Variants in EFCAB5 observed in about 807,000 individuals in gnomAD.
The protein encoded by EFCAB5 is EF-hand calcium-binding domain-containing protein 5.
A neutral mutation model predicts 167.9 loss-of-function variants in EFCAB5; 131 were observed. The observed-to-expected ratio is 0.78, with a 90% CI of 0.68 to 0.90. The LOEUF (loss-of-function observed/expected upper bound fraction) is 0.90. EFCAB5 is among the 40% of genes least tolerant of loss of function. The pLI is 0.00. For synonymous variants in EFCAB5, 574 were observed against 602.8 expected (o/e 0.95, Z 0.70); for missense variants, 1,663 against 1,745.2 (o/e 0.95, Z 0.84).
At chr17:29,966,107 A>G (rs1264013625) in intron 3 of EFCAB5, among the ~76,000 whole-genome samples, 1 of 152,166 alleles carries the variant, frequency 6.6e-6, no homozygotes, top group African/African-American at 2.4e-5. Flanking sequence ...GTTAAAGTGT[A>G]CAATTCAGAG....
At chr17:30,038,544 T>G (rs2069685299) in intron 8 of EFCAB5, among the ~76,000 whole-genome samples, 1 of 152,230 alleles carries the variant, frequency 6.6e-6, no homozygotes. Context: ...ATATCCGTTC[T>G]GCAGCCCATG....
chr17:30,102,418 T>C (rs930921717), intron 22 of EFCAB5, among the ~76,000 whole-genome samples: 1 of 151,864 alleles, frequency 6.6e-6, no homozygotes, highest in African/African-American at 2.4e-5. Context: ...TCACCCAGGC[T>C]GGAGTGCAGT....
chr17:30,106,691 A>G (rs1474016164), intron 22 of EFCAB5, among the ~76,000 whole-genome samples: 3 of 152,154 alleles, frequency 2.0e-5, no homozygotes, highest in Non-Finnish European at 2.9e-5. Flanking sequence ...TCCTGACCTC[A>G]AGTGATCCAC....
intron 22 of EFCAB5, among the ~76,000 whole-genome samples, chr17:30,097,058 ATATTT>A (rs1456809510): frequency 0.017 from 1,046 of 63,366 alleles, 10 homozygotes; most frequent in Middle Eastern, 0.04. Flanking sequence ...ACATATATAT[ATATTT>A]TTTTTTTTTT....
chr17:30,050,592 G>T (rs2070063821), intron 8 of EFCAB5, among the ~76,000 whole-genome samples: 1 of 152,062 alleles, frequency 6.6e-6, no homozygotes, highest in African/African-American at 2.4e-5. Flanking sequence ...ACCATGCCTG[G>T]CTAATTTTTT....
At chr17:30,000,016 TG>T in intron 7 of EFCAB5, 40 bp downstream of exon 7, 1 of 1,455,098 alleles carries the variant, frequency 6.9e-7, no homozygotes, top group East Asian at 2.5e-5. Flanking sequence ...TGAATTATTT[TG>T]TCAGTTTCAA....
chr17:30,069,698 T>C, intron 14 of EFCAB5: 2 of 1,238,580 alleles, frequency 1.6e-6, no homozygotes, highest in South Asian at 1.3e-5. Context: ...TACTCTCATG[T>C]ACCCGCCGTA....
rs370658956 is a variant in EFCAB5, at chr17:30,030,332, G to GGTTT, written c.1045-3877_1045-3874dup. Among the ~76,000 whole-genome samples the GGTTT allele has an allele frequency of 2.9e-3, 436 of 152,120 alleles. 2 individuals carry two copies. Among genetic ancestry groups the GGTTT allele is most frequent in the African/African-American group, 8.9e-3 (370 of 41,516 alleles). The stretch of plus-strand genomic sequence containing the variant: ...AATCCAGAAGTGTCTCTCAGAAAAA[G>GGTTT]GTTTGTTTGTTTGTTTGTTTGTTTT... On this transcript the variant is annotated intron_variant, in intron 7 of 22. Transcript: ENST00000394835.
chr17:29,951,234 G>A (rs574198882), intron 3 of EFCAB5, among the ~76,000 whole-genome samples: 2 of 152,108 alleles, frequency 1.3e-5, no homozygotes, highest in East Asian at 3.8e-4. Flanking sequence ...GCTTTTCAAG[G>A]GTTTCTTCAC....
chr17:30,034,467 G>A (rs1197406248), intron 8 of EFCAB5, 82 bp downstream of exon 8: 8 of 1,493,182 alleles, frequency 5.4e-6, no homozygotes. Flanking sequence ...AGGAGGCTGA[G>A]GCTGGTGGAT....
At chr17:30,031,861 A>C (rs543476563) in intron 7 of EFCAB5, 4 of 152,018 alleles carry the variant, frequency 2.6e-5, no homozygotes, top group Admixed American at 2.6e-4. Context: ...ATCTCTACAC[A>C]CACACATTTT....
chr17:29,940,368 C>T (rs1025948859), upstream of EFCAB5, among the ~76,000 whole-genome samples: 4 of 152,124 alleles, frequency 2.6e-5, no homozygotes, highest in Admixed American at 1.3e-4. Context: ...TGAGCCCCTG[C>T]GCCCGGACTA....
At chr17:30,059,406 T>C in intron 13 of EFCAB5, 139 bp from the exon 14 acceptor site, 1 of 888,068 alleles carries the variant, frequency 1.1e-6, no homozygotes, top group Non-Finnish European at 1.6e-6. Flanking sequence ...TCACTGCATT[T>C]TCCCTTAATA....
chr17:29,946,677 A>G (rs1274427390), intron 3 of EFCAB5, among the ~76,000 whole-genome samples: 2 of 151,694 alleles, frequency 1.3e-5, no homozygotes, highest in East Asian at 3.9e-4. Flanking sequence ...TGACCTCGTG[A>G]TCCACCCGCC....
intron 3 of EFCAB5, among the ~76,000 whole-genome samples, chr17:29,957,599 G>C (rs2067642576): frequency 6.6e-6 from 1 of 152,114 alleles, no homozygotes; most frequent in African/African-American, 2.4e-5. Flanking sequence ...TTGCTCCTGT[G>C]TTAGTTTGTT....
chr17:29,969,329 A>G lies in EFCAB5; in HGVS notation c.729A>G (p.Glu243=). Residue 243 remains glutamate (E), a synonymous_variant, in exon 4 of 23, where the codon GAA becomes GAG. Coordinates refer to ENST00000394835, the MANE Select transcript of EFCAB5 (RefSeq NM_198529.4). The part of the protein sequence containing the change: ...GYQRLMKEVT[E]DLKIYVPDTI... ...AGAGGTTGATGAAAGAAGTCACAGA[A>G]GACCTGAAGATATATGTTCCTGACA... 6.2e-7 allele frequency: 1 copy of G among 1,608,884 alleles called. No individual in the cohort carries two copies. Among genetic ancestry groups the G allele is most frequent in the South Asian group, 1.1e-5 (1 of 90,076 alleles).
chr17:30,107,627 T>C (rs1233268395), intron 22 of EFCAB5, among the ~76,000 whole-genome samples: 1 of 152,206 alleles, frequency 6.6e-6, no homozygotes, highest in Non-Finnish European at 1.5e-5. Context: ...ATAACTCTAA[T>C]TCTTTGTTAA....
intron 4 of EFCAB5, among the ~76,000 whole-genome samples, chr17:29,970,637 G>GACAT (rs1555550697): frequency 7.2e-6 from 1 of 138,668 alleles, no homozygotes; most frequent in Non-Finnish European, 1.5e-5. Flanking sequence ...CTCAAAAACA[G>GACAT]ACACACACAC....
chr17:30,025,747 T>C (rs1002178245), intron 7 of EFCAB5, among the ~76,000 whole-genome samples: 2 of 152,142 alleles, frequency 1.3e-5, no homozygotes, highest in Admixed American at 1.3e-4. Context: ...CTATTCACAA[T>C]ACCAAAGACT....
Sources: allele counts gnomAD v4.1 joint callset (sites outside exome capture counted in the v4.1 genomes callset), GRCh38; gene constraint gnomAD v4.1.1; transcripts MANE v1.5; gene names NCBI Gene and HGNC (gene_info 2026-07-23, HGNC 2026-07-21).